SPIRE2: variants seen among roughly 807,000 people sequenced by gnomAD.
SPIRE2 encodes protein spire homolog 2.
Under a neutral mutation model 80.7 loss-of-function variants are expected in SPIRE2, and 76 were observed. The observed-to-expected ratio is 0.94, with a 90% CI of 0.78 to 1.14. The LOEUF (loss-of-function observed/expected upper bound fraction) is 1.14. SPIRE2 is among the 50% of genes most tolerant of loss of function. The pLI is 0.00. For missense variants in SPIRE2, 1,196 were observed against 1,015.3 expected (o/e 1.18, Z -2.42); for synonymous variants, 535 against 432.6 (o/e 1.24, Z -2.94).
chr16:89,856,927 G>A (rs1310303021), intron 7 of SPIRE2, among the ~76,000 whole-genome samples: 1 of 151,734 alleles, frequency 6.6e-6, no homozygotes, highest in African/African-American at 2.4e-5. Context: ...TTAGCCAGGT[G>A]TGGTGGCACA....
intron 1 of SPIRE2, among the ~76,000 whole-genome samples, chr16:89,838,201 G>T (rs562953974): frequency 7.8e-6 from 1 of 127,620 alleles, no homozygotes; most frequent in South Asian, 2.5e-4. Flanking sequence ...ATTTTTAAGA[G>T]AGACGGGATC....
At chr16:89,854,397 T>A in intron 4 of SPIRE2, 31 bp downstream of exon 4, 1 of 1,610,966 alleles carries the variant, frequency 6.2e-7, no homozygotes, top group East Asian at 2.2e-5. Context: ...ACCGGGCCAC[T>A]GACGCGGCCC....
In SPIRE2 at chr16:89,854,524, G is replaced by A. The variant is rs188491451; in HGVS notation, c.764G>A (p.Arg255His). The A allele has an allele frequency of 1.9e-4, 306 of 1,612,714 alleles. 5 individuals are homozygous for A. Among genetic ancestry groups the A allele is most frequent in the East Asian group, 1.2e-3 (54 of 44,880 alleles). The change falls in exon 5 of 15, where the codon CGC becomes CAC. Residue 255 changes from arginine (R) to histidine (H), a missense_variant. Coordinates refer to ENST00000378247, the MANE Select transcript of SPIRE2 (RefSeq NM_032451.2). ...LWVQLMRELR[R>H]GVKLKKVQEQ... ...GTTCAGCTCATGCGGGAGCTCCGCC[G>A]CGGAGTGAAGCTGAAGAAGGTGCAA...
chr16:89,843,667 GTTT>G (rs746543138), intron 1 of SPIRE2, among the ~76,000 whole-genome samples: 2 of 60,388 alleles, frequency 3.3e-5, no homozygotes, highest in Non-Finnish European at 5.6e-5. Context: ...TTGCTGCCAC[GTTT>G]TTTTTTTTTT....
intron 3 of SPIRE2, among the ~76,000 whole-genome samples, chr16:89,853,203 C>T (rs576621560): frequency 5.3e-5 from 8 of 152,338 alleles, no homozygotes; most frequent in East Asian, 3.9e-4. Flanking sequence ...CAGTCTTACT[C>T]TGTTGCCCAG....
chr16:89,859,544 T>G (rs1266993212), intron 9 of SPIRE2, among the ~76,000 whole-genome samples, 190 bp downstream of exon 9: 7 of 152,160 alleles, frequency 4.6e-5, no homozygotes, highest in Non-Finnish European at 1.0e-4. Flanking sequence ...ACTTACTAAG[T>G]AATGCATATT....
intron 12 of SPIRE2, among the ~76,000 whole-genome samples, chr16:89,864,619 C>T (rs752667594): frequency 2.6e-5 from 4 of 152,172 alleles, no homozygotes; most frequent in South Asian, 2.1e-4. Flanking sequence ...CGGTTTCCAC[C>T]GGCCACAGGC....
chr16:89,867,718 G>T (rs2041802420), intron 12 of SPIRE2, among the ~76,000 whole-genome samples: 1 of 151,850 alleles, frequency 6.6e-6, no homozygotes, highest in Non-Finnish European at 1.5e-5. Flanking sequence ...CCAAGTAGCT[G>T]TGATTACAGG....
intron 12 of SPIRE2, among the ~76,000 whole-genome samples, chr16:89,865,151 C>T (rs2041778447): frequency 6.6e-6 from 1 of 152,040 alleles, no homozygotes; most frequent in Admixed American, 6.6e-5. Flanking sequence ...GGTCTACAGG[C>T]ACCTGCTACC....
chr16:89,843,121 C>T (rs575470804), intron 1 of SPIRE2, among the ~76,000 whole-genome samples: 47 of 152,326 alleles, frequency 3.1e-4, no homozygotes, highest in African/African-American at 1.0e-3. Context: ...GCTGTAGAAT[C>T]GGGTGGATGT....
intron 5 of SPIRE2, among the ~76,000 whole-genome samples, chr16:89,854,937 G>A (rs1228876334): frequency 3.0e-5 from 3 of 100,488 alleles, no homozygotes; most frequent in African/African-American, 1.1e-4. Flanking sequence ...CAAGGCTGTA[G>A]GATTTTTTTT....
chr16:89,850,989 A>C (rs1274276817), intron 3 of SPIRE2, among the ~76,000 whole-genome samples: 2 of 151,934 alleles, frequency 1.3e-5, no homozygotes, highest in Non-Finnish European at 2.9e-5. Flanking sequence ...GGTGCCCACC[A>C]CCATGCCTGG....
rs1016719648 is a variant in SPIRE2 at position 89,863,266 on chromosome 16, G to A, written c.1576-210G>A. On this transcript the variant is annotated intron_variant, in intron 10 of 14. Transcript: ENST00000378247. The surrounding 1 kb of genome is among the most constrained non-coding windows in gnomAD (Gnocchi z 4.3). Reference sequence around the variant, plus strand: ...AAGGCTGGGCTGGCCGGCAGGGTCCGCTGGTCATGGGAGGCCTGGCCTGCA... The same window carrying A: ...AAGGCTGGGCTGGCCGGCAGGGTCCACTGGTCATGGGAGGCCTGGCCTGCA... 1.2e-5 allele frequency: 7 copies of A among 601,120 alleles called. No individual in the cohort carries two copies. Among genetic ancestry groups the A allele is most frequent in the Admixed American group, 9.0e-5 (3 of 33,242 alleles). The allele number at this position is 601,120 out of a possible 1,614,324, so 37.2% of individuals were successfully genotyped here. A position where few individuals can be genotyped will look rare whatever the true frequency, so the allele number is the denominator to read the frequency against.
chr16:89,836,307 A>C, intron 1 of SPIRE2: 1 of 455,264 alleles, frequency 2.2e-6, no homozygotes, highest in East Asian at 6.9e-5. Context: ...GTACATGCTC[A>C]CAGGTTCTGG....
intron 1 of SPIRE2, among the ~76,000 whole-genome samples, chr16:89,843,771 T>TGG (rs2041529636): frequency 1.9e-5 from 1 of 53,634 alleles, no homozygotes; most frequent in Non-Finnish European, 3.5e-5. Flanking sequence ...GTGATCTCGG[T>TGG]TCACTGCAAC....
chr16:89,851,367 C>T (rs78331410), intron 3 of SPIRE2, among the ~76,000 whole-genome samples: 9,541 of 152,260 alleles, frequency 0.063, 457 homozygotes, highest in East Asian at 0.23. Context: ...GGCTCAGCGA[C>T]TTGCTTGGAG....
intron 2 of SPIRE2, chr16:89,845,623 C>A (rs1438426541): frequency 1.4e-6 from 1 of 702,134 alleles, no homozygotes; most frequent in Non-Finnish European, 2.6e-6. Context: ...CTTCCTTCCA[C>A]AGCTGCACAG....
chr16:89,857,881 CTTTTT>C, intron 7 of SPIRE2, among the ~76,000 whole-genome samples: 1 of 107,202 alleles, frequency 9.3e-6, no homozygotes, highest in African/African-American at 3.7e-5. Flanking sequence ...AGTTCTTCTT[CTTTTT>C]TTTTTTTTTT....
At position 89,850,393 on chromosome 16, in the gene SPIRE2, G is replaced by A. The variant is rs1306068654; in HGVS notation, c.378G>A (p.Glu126=). The A allele has an allele frequency of 6.3e-7, 1 of 1,597,458 alleles. No homozygotes were observed. The highest frequency in any genetic ancestry group is 8.5e-7 in the Non-Finnish European group (1 of 1,173,676). ...SEERELSPQL[E]RLIDLMANND... ...AGCGCGAACTCAGCCCTCAGCTGGA[G>A]CGGCTCATCGACCTCATGGCCAACA... Residue 126 remains glutamate, a synonymous_variant, in exon 3 of 15, where the codon GAG becomes GAA. Transcript: ENST00000378247.
Sources: allele counts gnomAD v4.1 joint callset (sites outside exome capture counted in the v4.1 genomes callset), GRCh38; gene constraint gnomAD v4.1.1; non-coding constraint Gnocchi (gnomAD v3.1); transcripts MANE v1.5; gene names NCBI Gene and HGNC (gene_info 2026-07-23, HGNC 2026-07-21).